The following UBXN8 variants were observed in gnomAD, a reference collection of about 807,000 sequenced individuals.
UBXN8 encodes UBX domain protein 8.
Under a neutral mutation model 32.1 loss-of-function variants are expected in UBXN8, and 27 were observed. The ratio of observed to expected loss-of-function variants is 0.84; its 90% CI spans 0.62 to 1.16. UBXN8 has a LOEUF of 1.16. Among genes scored for constraint, UBXN8 ranks in the 50% most tolerant of loss-of-function variants. UBXN8 has a pLI of 0.00. For synonymous variants in UBXN8, 109 were observed against 111.8 expected, an observed-to-expected ratio of 0.98 and a Z score of 0.16; for missense variants, 306 against 311.4, an observed-to-expected ratio of 0.98 and a Z score of 0.13.
At chr8:30,743,164 T>C (rs1311644803), upstream of UBXN8, among the ~76,000 whole-genome samples, 1 of 150,402 alleles carries the variant, frequency 6.6e-6, no homozygotes, top group Admixed American at 6.6e-5. Context: ...CTTTCTTTTT[T>C]TTTTTTTTTT....
At chr8:30,757,859 CAA>C (rs76218678) in intron 5 of UBXN8, among the ~76,000 whole-genome samples, 17 of 55,954 alleles carry the variant, frequency 3.0e-4, no homozygotes, top group Non-Finnish European at 2.2e-4. Context: ...GACTCCGTCT[CAA>C]AAAAAAAAAA....
At chr8:30,755,590 A>T (rs1015805419) in intron 4 of UBXN8, among the ~76,000 whole-genome samples, 7 of 248 alleles carry the variant, frequency 0.028, no homozygotes, top group East Asian at 0.5. Flanking sequence ...CTGTCTCTAC[A>T]AAAAAAAAAT....
At chr8:30,741,922 G>T (rs2128752462), upstream of UBXN8, among the ~76,000 whole-genome samples, 1 of 152,236 alleles carries the variant, frequency 6.6e-6, no homozygotes, top group African/African-American at 2.4e-5. Context: ...GATTGGTTAG[G>T]AACTGCCTTT....
chr8:30,762,959 C>G (rs769595263), intron 6 of UBXN8, among the ~76,000 whole-genome samples: 20 of 152,108 alleles, frequency 1.3e-4, no homozygotes, highest in Admixed American at 1.3e-4. Flanking sequence ...GCCTCAGATT[C>G]CCTGGGCTCA....
chr8:30,765,049 A>G (rs941511831), intron 7 of UBXN8, among the ~76,000 whole-genome samples: 55 of 152,188 alleles, frequency 3.6e-4, no homozygotes, highest in African/African-American at 1.3e-3. Context: ...CTCCATCACA[A>G]AAAACAAAAC....
In UBXN8 at chr8:30,766,217, C is replaced by A; in HGVS notation, c.646-10C>A. ...TTGATAATGACTAAGCCAAGCTTTT[C>A]ATCTTCTAGGTCTTATTTGACTGGA... On this transcript the variant is annotated splice_polypyrimidine_tract_variant and intron_variant, in intron 7 of 7. Transcript: ENST00000265616. The A allele has an allele frequency of 6.2e-7, 1 of 1,605,604 alleles. No homozygotes were observed. Among genetic ancestry groups the A allele is most frequent in the South Asian group, 1.1e-5 (1 of 90,222 alleles).
Position 30,751,482 on chromosome 8 carries a change from C to A in UBXN8, c.175C>A (p.Leu59Ile). 1 of 1,610,026 alleles carries A rather than the reference C, an allele frequency of 6.2e-7. No homozygotes were observed. The highest frequency in any genetic ancestry group is 8.5e-7 in the Non-Finnish European group (1 of 1,178,008). ...TLTISVTTSWLNSFKSPQVYL... is the reference protein window; with the variant it reads ...TLTISVTTSWINSFKSPQVYL... Reference sequence around the variant, plus strand: ...AACTATTTCTGTGACTACCTCATGGCTTAACTCATTTAAATCTCCCCAAGT... The same window carrying A: ...AACTATTTCTGTGACTACCTCATGGATTAACTCATTTAAATCTCCCCAAGT... The change falls in exon 2 of 8, where the codon CTT becomes ATT. Residue 59 changes from leucine to isoleucine, a missense_variant. By Grantham distance (5) the Leu-to-Ile change is conservative (BLOSUM62 2). Transcript: ENST00000265616.
chr8:30,739,341 A>T (rs10105009), upstream of UBXN8, among the ~76,000 whole-genome samples: 11 of 146,602 alleles, frequency 7.5e-5, no homozygotes, highest in South Asian at 4.8e-4. Flanking sequence ...TCAGGAGATC[A>T]AGACCATCCT....
At chr8:30,730,336 C>T (rs1320757184), upstream of UBXN8, among the ~76,000 whole-genome samples, 4 of 152,190 alleles carry the variant, frequency 2.6e-5, no homozygotes, top group South Asian at 2.1e-4. Flanking sequence ...AACAATACCC[C>T]GTCCTGTACT....
intron 2 of UBXN8, among the ~76,000 whole-genome samples, chr8:30,752,247 T>C (rs906959690): frequency 3.3e-5 from 5 of 152,214 alleles, no homozygotes; most frequent in African/African-American, 1.2e-4. Context: ...ATTCTAGCAG[T>C]TTTTACTTAG....
upstream of UBXN8, among the ~76,000 whole-genome samples, chr8:30,740,734 G>C (rs1288199052): frequency 6.6e-6 from 1 of 151,436 alleles, no homozygotes; most frequent in Non-Finnish European, 1.5e-5. Flanking sequence ...GGTGAGAATG[G>C]AGACACCAGT....
rs191969495 is a variant in UBXN8 at position 30,766,583 on chromosome 8, C to G, written c.*189C>G. The G allele has an allele frequency of 4.4e-6, 2 of 449,970 alleles. No individual in the cohort carries two copies. The highest frequency in any genetic ancestry group is 7.8e-5 in the Admixed American group (2 of 25,492). The allele number at this position is 449,970 out of a possible 1,614,324, so 27.9% of individuals were successfully genotyped here. A position where few individuals can be genotyped will look rare whatever the true frequency, so the allele number is the denominator to read the frequency against. On this transcript the variant is annotated 3_prime_UTR_variant, in exon 8 of 8. Coordinates refer to ENST00000265616, the MANE Select transcript of UBXN8 (RefSeq NM_005671.4). Reference sequence around the variant, plus strand: ...TATATATAATAATCTGTGGACTGTGCCATTTTACAGTGTACCAAATGAGAA... The same window carrying G: ...TATATATAATAATCTGTGGACTGTGGCATTTTACAGTGTACCAAATGAGAA...
intron 2 of UBXN8, among the ~76,000 whole-genome samples, chr8:30,752,567 G>A (rs1356652654): frequency 1.3e-5 from 2 of 152,076 alleles, no homozygotes; most frequent in South Asian, 4.1e-4. Context: ...TGCCTCAGTC[G>A]CCCAAAATGC....
chr8:30,754,529 C>A, intron 3 of UBXN8, 136 bp from the exon 4 acceptor site: 2 of 1,224,926 alleles, frequency 1.6e-6, no homozygotes, highest in Admixed American at 2.5e-5. Context: ...CACAACCAAG[C>A]AGCCAAACAG....
At chr8:30,734,692 A>G (rs967857460) in intron 1 of UBXN8, among the ~76,000 whole-genome samples, 4 of 152,072 alleles carry the variant, frequency 2.6e-5, no homozygotes, top group Non-Finnish European at 5.9e-5. Context: ...TAATCCCAGC[A>G]CTCTGGGAAG....
upstream of UBXN8, chr8:30,732,124 A>C: frequency 3.1e-6 from 1 of 321,990 alleles, no homozygotes; most frequent in African/African-American, 2.2e-5. Flanking sequence ...TACTCAGTAC[A>C]CTTGGACCTG....
Position 30,766,538 on chromosome 8 carries a change from A to G in UBXN8, c.*144A>G. On this transcript the variant is annotated 3_prime_UTR_variant, in exon 8 of 8. Transcript: ENST00000265616. ...GAACATTGATATCCATGGGAATAGG[A>G]TTAGAAAAGGATTGCTTTCTATATA... 1 of 822,760 alleles carries G rather than the reference A, an allele frequency of 1.2e-6. No individual in the cohort carries two copies. Among genetic ancestry groups the G allele is most frequent in the East Asian group, 3.0e-5 (1 of 33,652 alleles). The allele number at this position is 822,760 out of a possible 1,614,324, so 51.0% of individuals were successfully genotyped here. A position where few individuals can be genotyped will look rare whatever the true frequency, so the allele number is the denominator to read the frequency against.
At chr8:30,741,455 T>C (rs1227892695), upstream of UBXN8, among the ~76,000 whole-genome samples, 1 of 69,120 alleles carries the variant, frequency 1.4e-5, no homozygotes, top group Non-Finnish European at 2.3e-5. Flanking sequence ...AGCAATGTTC[T>C]TTTTTTTTTT....
upstream of UBXN8, among the ~76,000 whole-genome samples, chr8:30,729,164 C>T (rs866677763): frequency 2.6e-5 from 4 of 152,232 alleles, no homozygotes; most frequent in Non-Finnish European, 5.9e-5. Context: ...CCCTGTGGAG[C>T]ATCCCTGCGG....
Sources: allele counts gnomAD v4.1 joint callset (sites outside exome capture counted in the v4.1 genomes callset), GRCh38; gene constraint gnomAD v4.1.1; transcripts MANE v1.5; gene names NCBI Gene and HGNC (gene_info 2026-07-23, HGNC 2026-07-21).